RAPGEF4: variants seen among roughly 807,000 people sequenced by gnomAD.
RAPGEF4 encodes the protein RAP guanine-nucleotide-exchange factor (GEF) 4.
Under a neutral mutation model 147.9 loss-of-function variants are expected in RAPGEF4, and 66 were observed. That is an observed-to-expected ratio of 0.45 (90% CI 0.37 to 0.55). The LOEUF is 0.55. Ranked by LOEUF, RAPGEF4 falls within the 20% of genes least tolerant of loss-of-function variation. The pLI, the probability that RAPGEF4 is intolerant of heterozygous loss-of-function variation, is 0.00. For synonymous variants in RAPGEF4, 419 were observed against 442.7 expected (o/e 0.95, Z 0.67); for missense variants, 1,071 against 1,257.3 (o/e 0.85, Z 2.24).
chr2:173,047,738 G>T (rs956525796), intron 29 of RAPGEF4, among the ~76,000 whole-genome samples: 1 of 151,352 alleles, frequency 6.6e-6, no homozygotes, highest in African/African-American at 2.4e-5. Flanking sequence ...GTGCAGTGGC[G>T]CGATCTCGGC....
intron 23 of RAPGEF4, 134 bp downstream of exon 23, chr2:173,020,849 A>G (rs1407153562): frequency 4.7e-6 from 3 of 644,396 alleles, no homozygotes; most frequent in African/African-American, 3.7e-5. Context: ...TCTGCAGTCT[A>G]TTAGGTAAGC....
intron 15 of RAPGEF4, among the ~76,000 whole-genome samples, chr2:172,993,681 C>T (rs949362415): frequency 2.0e-5 from 3 of 152,128 alleles, no homozygotes; most frequent in African/African-American, 7.2e-5. Flanking sequence ...GGAAACAAAG[C>T]CGTCACGTGA....
chr2:172,829,224 C>CTCTT (rs1355534898), intron 4 of RAPGEF4, among the ~76,000 whole-genome samples: 3 of 152,230 alleles, frequency 2.0e-5, no homozygotes, highest in Non-Finnish European at 4.4e-5. Flanking sequence ...GCAGGTCTTT[C>CTCTT]TCAGTCAGTG....
At chr2:172,942,711 T>A (rs944342526) in intron 6 of RAPGEF4, among the ~76,000 whole-genome samples, 1 of 152,180 alleles carries the variant, frequency 6.6e-6, no homozygotes, top group African/African-American at 2.4e-5. Context: ...TAAAATTTTC[T>A]AGTTGCTACA....
Position 172,988,233 on chromosome 2 carries a change from T to C in RAPGEF4, c.1188T>C (p.Ile396=), listed in dbSNP as rs1692472300. The change falls in exon 13 of 31, where the codon ATT becomes ATC. Residue 396 remains isoleucine, a synonymous_variant. Coordinates refer to ENST00000397081, the MANE Select transcript of RAPGEF4 (RefSeq NM_007023.4). ...GGGAAGAAGGTACCTCCTGGTACAT[T>C]ATTCTAAAAGGATCAGTGAATGTAG... ...NQGEEGTSWY[I]ILKGSVNVVI... 2.5e-6 allele frequency: 4 copies of C among 1,611,564 alleles called. No individual in the cohort carries two copies. In the African/African-American group the frequency reaches 5.3e-5, roughly 22 times the overall value.
intron 4 of RAPGEF4, among the ~76,000 whole-genome samples, chr2:172,855,632 G>A (rs1402044252): frequency 1.3e-5 from 2 of 152,102 alleles, no homozygotes; most frequent in African/African-American, 4.8e-5. Flanking sequence ...GAGATTAAGT[G>A]TCTTAGGTTT....
At chr2:173,026,480 A>T in intron 23 of RAPGEF4, 92 bp from the exon 24 acceptor site, 1 of 1,363,100 alleles carries the variant, frequency 7.3e-7, no homozygotes, top group Non-Finnish European at 9.9e-7. Context: ...CCATCTCCAG[A>T]ATCCTTTCCC....
At chr2:172,820,097 A>C (rs1331663046) in intron 4 of RAPGEF4, among the ~76,000 whole-genome samples, 2 of 152,146 alleles carry the variant, frequency 1.3e-5, no homozygotes, top group Non-Finnish European at 2.9e-5. Context: ...TGTTTGTATG[A>C]GGATGATTTC....
intron 17 of RAPGEF4, among the ~76,000 whole-genome samples, chr2:173,002,836 G>C (rs1694067774): frequency 6.6e-6 from 1 of 152,086 alleles, no homozygotes; most frequent in South Asian, 2.1e-4. Context: ...GTTTTACCGA[G>C]TAATGATGGC....
intron 1 of RAPGEF4, among the ~76,000 whole-genome samples, chr2:172,788,841 C>T (rs1306661825): frequency 6.6e-6 from 1 of 152,078 alleles, no homozygotes; most frequent in Non-Finnish European, 1.5e-5. Context: ...CTTCAGTGAG[C>T]CATAATCATG....
intron 4 of RAPGEF4, among the ~76,000 whole-genome samples, chr2:172,908,008 C>T (rs1204064355): frequency 1.3e-5 from 2 of 152,154 alleles, no homozygotes; most frequent in South Asian, 2.1e-4. Flanking sequence ...GTAGTGGAAT[C>T]GGAATTAAGA....
intron 3 of RAPGEF4, among the ~76,000 whole-genome samples, chr2:172,807,130 A>G (rs1480518673): frequency 6.6e-6 from 1 of 152,216 alleles, no homozygotes; most frequent in Non-Finnish European, 1.5e-5. Context: ...CTACTTGTCT[A>G]TGCTCAGGTC....
chr2:172,990,299 T>G (rs1692704416), intron 14 of RAPGEF4, among the ~76,000 whole-genome samples: 1 of 152,228 alleles, frequency 6.6e-6, no homozygotes, highest in Non-Finnish European at 1.5e-5. Context: ...ATCATTGATG[T>G]AATTTATAAA....
intron 4 of RAPGEF4, among the ~76,000 whole-genome samples, chr2:172,907,094 A>G (rs1235605235): frequency 1.3e-5 from 2 of 152,344 alleles, no homozygotes; most frequent in Non-Finnish European, 2.9e-5. Flanking sequence ...TTGCTCTGCC[A>G]GCCTTCCAGC....
At chr2:172,887,613 G>A (rs112435654) in intron 4 of RAPGEF4, among the ~76,000 whole-genome samples, 358 of 152,262 alleles carry the variant, frequency 2.4e-3, no homozygotes, top group South Asian at 0.016. Flanking sequence ...GTGAGTAGCT[G>A]CAACCAATAC....
chr2:172,784,696 A>G (rs1685021737), intron 1 of RAPGEF4, among the ~76,000 whole-genome samples: 1 of 152,232 alleles, frequency 6.6e-6, no homozygotes, highest in South Asian at 2.1e-4. Flanking sequence ...AAATAATAAC[A>G]TAAGTGGTAA....
intron 4 of RAPGEF4, among the ~76,000 whole-genome samples, chr2:172,847,961 T>C (rs373264332): frequency 6.6e-6 from 1 of 152,102 alleles, no homozygotes; most frequent in African/African-American, 2.4e-5. Flanking sequence ...TCATACTCTG[T>C]TGACATTCTA....
intron 4 of RAPGEF4, among the ~76,000 whole-genome samples, chr2:172,896,738 T>TC (rs138350195): frequency 6.6e-6 from 1 of 152,320 alleles, no homozygotes; most frequent in Non-Finnish European, 1.5e-5. Context: ...ATAATTTTCC[T>TC]CCAAACAAAG....
At chr2:173,049,293 T>C (rs1685903480) in intron 30 of RAPGEF4, among the ~76,000 whole-genome samples, 2 of 152,202 alleles carry the variant, frequency 1.3e-5, no homozygotes, top group South Asian at 2.1e-4. Flanking sequence ...AGTTGCATCA[T>C]AGCACCAGAT....
Sources: allele counts gnomAD v4.1 joint callset (sites outside exome capture counted in the v4.1 genomes callset), GRCh38; gene constraint gnomAD v4.1.1; transcripts MANE v1.5; gene names NCBI Gene and HGNC (gene_info 2026-07-23, HGNC 2026-07-21).